ZNF516: variants seen among roughly 807,000 people sequenced by gnomAD.
ZNF516 encodes the protein zinc finger protein 516.
ZNF516 carries 19 observed loss-of-function variants against 79.7 expected under a neutral mutation model. That is an observed-to-expected ratio of 0.24 (90% CI 0.17 to 0.35). The LOEUF (loss-of-function observed/expected upper bound fraction) is 0.35, where lower values mean the gene tolerates loss of function less well. ZNF516 is among the 10% of genes least tolerant of loss of function. ZNF516 has a pLI of 1.00. For missense variants in ZNF516, 1,678 were observed against 1,679.5 expected, an observed-to-expected ratio of 1.00 and a Z score of 0.02; for synonymous variants, 877 against 739.5, an observed-to-expected ratio of 1.19 and a Z score of -3.02.
At chr18:76,437,067 A>AACACACACACACACACACACACACACAC (rs370573337) in intron 3 of ZNF516, among the ~76,000 whole-genome samples, 16 of 135,986 alleles carry the variant, frequency 1.2e-4, no homozygotes, top group East Asian at 2.2e-4. Flanking sequence ...ACCTGTCTAA[A>AACACACACACACACACACACACACACAC]ACACACACAC....
chr18:76,399,696 C>CA (rs1456017863), intron 3 of ZNF516, among the ~76,000 whole-genome samples: 1 of 152,170 alleles, frequency 6.6e-6, no homozygotes, highest in Non-Finnish European at 1.5e-5. Flanking sequence ...ACTCGAGGTC[C>CA]ACAGGTCTGA....
At chr18:76,389,008 G>A (rs1388983801) in intron 3 of ZNF516, 2 of 152,426 alleles carry the variant, frequency 1.3e-5, no homozygotes, top group East Asian at 1.9e-4. Context: ...CAGGCCCGGG[G>A]GAGGCTTCTG....
Position 76,362,412 on chromosome 18 carries a change from A to G in ZNF516, c.*86T>C. 1 of 1,365,146 alleles carries G rather than the reference A, an allele frequency of 7.3e-7. No homozygotes were observed. Among genetic ancestry groups the G allele is most frequent in the Non-Finnish European group, 1.0e-6 (1 of 973,744 alleles). The allele number at this position is 1,365,146 out of a possible 1,614,324, so 84.6% of individuals were successfully genotyped here. ...CCGGCTGTTCTTCCATGGAGCGGCC[A>G]GGTCACAGGTGGGAGGCTGCTGGGA... is the stretch of plus-strand genomic sequence containing the variant. On this transcript the variant is annotated 3_prime_UTR_variant, in exon 7 of 7. Coordinates refer to ENST00000443185, the MANE Select transcript of ZNF516 (RefSeq NM_014643.4).
At position 76,441,929 on chromosome 18, in the gene ZNF516, G is replaced by GCCCCTCCGC. The variant is rs751063425; in HGVS notation, c.1117_1125dup (p.Ala373_Gly375dup). On this transcript the variant is annotated inframe_insertion, in exon 3 of 7. Transcript: ENST00000443185. ...AGGAAGAACTGCTTGGTGTCCGAGG[G>GCCCCTCCGC]CCCCTCCGCCCCCTCCTCGGCCGGG... 21 of 1,608,056 alleles carry GCCCCTCCGC rather than the reference G, an allele frequency of 1.3e-5. No individual in the cohort carries two copies. The highest frequency in any genetic ancestry group is 1.5e-5 in the Non-Finnish European group (18 of 1,178,776).
chr18:76,419,667 T>C (rs1308552461), intron 3 of ZNF516, among the ~76,000 whole-genome samples: 2 of 152,076 alleles, frequency 1.3e-5, no homozygotes, highest in Non-Finnish European at 2.9e-5. Context: ...TAAAGGGCAG[T>C]TCCCCTGCAC....
At chr18:76,392,779 G>A (rs1238084562) in intron 3 of ZNF516, among the ~76,000 whole-genome samples, 1 of 87,916 alleles carries the variant, frequency 1.1e-5, no homozygotes, top group African/African-American at 6.5e-5. Context: ...GTGGGGGAAA[G>A]GTGGATGGGA....
At chr18:76,400,814 G>A (rs551013559) in intron 3 of ZNF516, among the ~76,000 whole-genome samples, 2 of 152,212 alleles carry the variant, frequency 1.3e-5, no homozygotes, top group East Asian at 3.9e-4. Flanking sequence ...GATACCTAAG[G>A]AAAAGATCTG....
intron 3 of ZNF516, among the ~76,000 whole-genome samples, chr18:76,405,525 G>A (rs981858668): frequency 6.6e-6 from 1 of 152,084 alleles, no homozygotes; most frequent in African/African-American, 2.4e-5. Context: ...CGGGAGGGGC[G>A]GCGTGGAGCT....
intron 4 of ZNF516, among the ~76,000 whole-genome samples, chr18:76,373,476 ACAATCTAGACTG>A (rs1265972903): frequency 6.6e-6 from 1 of 152,236 alleles, no homozygotes; most frequent in East Asian, 1.9e-4. Context: ...TTTCCCAGGT[ACAATCTAGACTG>A]CTTCTACAGG....
chr18:76,395,334 G>A lies in ZNF516; in HGVS notation c.1811-15031C>T, dbSNP rs200629772. On this transcript the variant is annotated intron_variant, in intron 3 of 6. Coordinates refer to ENST00000443185, the MANE Select transcript of ZNF516 (RefSeq NM_014643.4). ...GCAAACCTTGTTTCACAGCTTTATCGCCACTATCTAGCGCATCTGGCTCCT... is the reference window on the plus strand; with the variant it reads ...GCAAACCTTGTTTCACAGCTTTATCACCACTATCTAGCGCATCTGGCTCCT... Among the ~76,000 whole-genome samples the A allele has an allele frequency of 1.2e-4, 18 of 152,176 alleles. No homozygotes were observed. The East Asian group carries it at 1.5e-3, about 13-fold the overall frequency.
At position 76,460,305 on chromosome 18, in the gene ZNF516, C is replaced by G. The variant is rs912744257; in HGVS notation, c.-158+2723G>C. On this transcript the variant is annotated intron_variant, in intron 2 of 6. Coordinates refer to ENST00000443185, the MANE Select transcript of ZNF516 (RefSeq NM_014643.4). ...GGACGCTGAGGGTCAAAGCTGTGAG[C>G]CACATCCCTCGACAAGGCTGTGAGC... Among the ~76,000 whole-genome samples, 3 of 152,192 alleles carry G rather than the reference C, an allele frequency of 2.0e-5. No homozygotes were observed. The East Asian group carries it at 5.8e-4, about 29-fold the overall frequency.
At chr18:76,476,876 T>C (rs966023096) in intron 1 of ZNF516, among the ~76,000 whole-genome samples, 2 of 152,162 alleles carry the variant, frequency 1.3e-5, no homozygotes, top group African/African-American at 4.8e-5. Flanking sequence ...GCGGGGTGAC[T>C]TGCTACGGAG....
chr18:76,485,370 A>G (rs1249438629), intron 1 of ZNF516, among the ~76,000 whole-genome samples: 1 of 152,220 alleles, frequency 6.6e-6, no homozygotes, highest in Admixed American at 6.5e-5. Flanking sequence ...GATAATGTCA[A>G]TATAAATGAT....
chr18:76,422,705 C>T (rs1342636395), intron 3 of ZNF516, among the ~76,000 whole-genome samples: 2 of 151,918 alleles, frequency 1.3e-5, no homozygotes, highest in South Asian at 2.1e-4. Flanking sequence ...GGGGGGCAGA[C>T]ATGGGGCACT....
At position 76,459,913 on chromosome 18, in the gene ZNF516, C is replaced by T. The variant is rs1356188885; in HGVS notation, c.-158+3115G>A. Among the ~76,000 whole-genome samples the T allele has an allele frequency of 6.6e-6, 1 of 152,222 alleles. No individual in the cohort carries two copies. ...GTGGGGTCTTTACGTAGGCAGCCTC[C>T]TTGGCATCGGGCAGGTCTGTCTCAC... On this transcript the variant is annotated intron_variant, in intron 2 of 6. Transcript: ENST00000443185. The surrounding 1 kb of genome is among the most constrained non-coding windows in gnomAD (Gnocchi z 5.0).
At chr18:76,480,614 C>T (rs181197760) in intron 1 of ZNF516, among the ~76,000 whole-genome samples, 24 of 152,108 alleles carry the variant, frequency 1.6e-4, no homozygotes, top group Admixed American at 5.9e-4. Context: ...CCTCCATCTC[C>T]CGGATTGAAG....
chr18:76,473,917 G>GGGGGT lies in ZNF516; in HGVS notation c.-271-10777_-271-10776insACCCC, dbSNP rs1376026558. 1.1e-4 allele frequency among the ~76,000 whole-genome samples: 12 copies of GGGGGT among 107,656 alleles called. 1 individual carries two copies. The highest frequency in any genetic ancestry group is 2.0e-4 in the Non-Finnish European group (10 of 49,442). The allele number at this position is 107,656 out of a possible 152,430, so 70.6% of individuals were successfully genotyped here. On this transcript the variant is annotated intron_variant, in intron 1 of 6. Coordinates refer to ENST00000443185, the MANE Select transcript of ZNF516 (RefSeq NM_014643.4). Reference sequence around the variant, plus strand: ...TTGTTTTTGTGTGGGGGGGGGGGGGGCTTTCTTTTTGAGACAGGGTCTTAC... The same window carrying GGGGGT: ...TTGTTTTTGTGTGGGGGGGGGGGGGGGGGGTCTTTCTTTTTGAGACAGGGTCTTAC...
chr18:76,471,433 T>C (rs1187502491), intron 1 of ZNF516, among the ~76,000 whole-genome samples: 2 of 152,148 alleles, frequency 1.3e-5, no homozygotes, highest in Non-Finnish European at 2.9e-5. Context: ...GTCAGACATG[T>C]GGCCTTAGAT....
At chr18:76,384,458 G>A (rs1156964719) in intron 3 of ZNF516, among the ~76,000 whole-genome samples, 2 of 52,796 alleles carry the variant, frequency 3.8e-5, no homozygotes, top group African/African-American at 7.6e-5. Context: ...CGCCCCCCAC[G>A]CCCCCACCAC....
Sources: allele counts gnomAD v4.1 joint callset (sites outside exome capture counted in the v4.1 genomes callset), GRCh38; gene constraint gnomAD v4.1.1; non-coding constraint Gnocchi (gnomAD v3.1); transcripts MANE v1.5; gene names NCBI Gene and HGNC (gene_info 2026-07-23, HGNC 2026-07-21).